The following STRBP variants were observed in gnomAD, a reference collection of about 807,000 sequenced individuals.
The protein encoded by STRBP is spermatid perinuclear RNA binding protein.
A neutral mutation model predicts 80.1 loss-of-function variants in STRBP; 13 were observed. The ratio of observed to expected loss-of-function variants is 0.16; its 90% CI spans 0.11 to 0.26. The LOEUF is 0.26. Ranked by LOEUF, STRBP falls within the 10% of genes least tolerant of loss-of-function variation. STRBP has a pLI of 1.00. For missense variants in STRBP, 485 were observed against 815.2 expected (o/e 0.59, Z 4.93); for synonymous variants, 284 against 291.2 (o/e 0.98, Z 0.25).
In STRBP at chr9:123,123,468, T is replaced by G; in HGVS notation, c.*2129A>C. ...TTATTTTAAGTAAAGCAGAGAAATGTAAAAGTTTGCAGCAACTGGGCAGGT... is the reference window on the plus strand; with the variant it reads ...TTATTTTAAGTAAAGCAGAGAAATGGAAAAGTTTGCAGCAACTGGGCAGGT... On this transcript the variant is annotated 3_prime_UTR_variant, in exon 19 of 19. Coordinates refer to ENST00000348403, the MANE Select transcript of STRBP (RefSeq NM_018387.5). 1.0e-6 allele frequency: 1 copy of G among 984,470 alleles called. No homozygotes were observed. Among genetic ancestry groups the G allele is most frequent in the Non-Finnish European group, 1.2e-6 (1 of 829,828 alleles). The allele number at this position is 984,470 out of a possible 1,614,324, so 61.0% of individuals were successfully genotyped here.
intron 1 of STRBP, among the ~76,000 whole-genome samples, chr9:123,267,285 A>G (rs554424627): frequency 4.0e-5 from 6 of 151,208 alleles, no homozygotes; most frequent in Non-Finnish European, 8.8e-5. Context: ...TACTTCCTGC[A>G]TAAACACCCT....
In STRBP at chr9:123,246,847, T is replaced by C. The variant is rs118170047; in HGVS notation, c.-301-9881A>G. Among the ~76,000 whole-genome samples, 122 of 152,290 alleles carry C rather than the reference T, an allele frequency of 8.0e-4. No individual in the cohort carries two copies. In the East Asian group the frequency reaches 0.019, roughly 23 times the overall value. ...ACTGTTTCAAAAGTGACTATAACCA[T>C]CTTATTCAATCAAGTAGTAATGTTA... On this transcript the variant is annotated intron_variant, in intron 1 of 18. Coordinates refer to ENST00000348403, the MANE Select transcript of STRBP (RefSeq NM_018387.5).
intron 2 of STRBP, among the ~76,000 whole-genome samples, chr9:123,231,959 GTTC>G (rs1401100232): frequency 2.6e-5 from 4 of 152,088 alleles, no homozygotes; most frequent in Non-Finnish European, 5.9e-5. Context: ...TTCTCCTACT[GTTC>G]TTCTATAAGG....
chr9:123,198,276 C>T (rs1371555734), intron 2 of STRBP, among the ~76,000 whole-genome samples: 20 of 152,002 alleles, frequency 1.3e-4, no homozygotes, highest in Admixed American at 1.3e-3. Flanking sequence ...AAGTAGCTAA[C>T]TGGCACCCGC....
At chr9:123,169,863 C>A (rs1352470082) in intron 6 of STRBP, 39 bp downstream of exon 6, 1 of 1,126,426 alleles carries the variant, frequency 8.9e-7, no homozygotes, top group South Asian at 3.5e-5. Flanking sequence ...ACAACAACAA[C>A]AAATATATAC....
intron 1 of STRBP, among the ~76,000 whole-genome samples, chr9:123,245,214 A>G (rs1228139370): frequency 6.6e-6 from 1 of 152,240 alleles, no homozygotes. Context: ...TATTCTCTAA[A>G]ACCAAATTTT....
chr9:123,234,592 G>A (rs1467345268), intron 2 of STRBP, among the ~76,000 whole-genome samples: 1 of 152,174 alleles, frequency 6.6e-6, no homozygotes, highest in Non-Finnish European at 1.5e-5. Flanking sequence ...CTAGTTGGTA[G>A]TCTTAAATCC....
chr9:123,182,217 T>TA lies in STRBP; in HGVS notation c.3+1914dup, dbSNP rs10546358. Among the ~76,000 whole-genome samples, 686 of 69,686 alleles carry TA rather than the reference T, an allele frequency of 9.8e-3. 14 individuals carry two copies. The highest frequency in any genetic ancestry group is 0.017 in the Non-Finnish European group (471 of 28,036). The allele number at this position is 69,686 out of a possible 152,430, so 45.7% of individuals were successfully genotyped here. ...GCAACAGAGTGAGACTCCGTTTCTT[T>TA]AAAAAAAAAAAAAAAAAAAAAAAAA... On this transcript the variant is annotated intron_variant, in intron 3 of 18. Transcript: ENST00000348403.
At chr9:123,141,483 A>T (rs2036589309) in intron 13 of STRBP, among the ~76,000 whole-genome samples, 1 of 152,192 alleles carries the variant, frequency 6.6e-6, no homozygotes, top group African/African-American at 2.4e-5. Context: ...AGTCCTGTAA[A>T]TATGCTCTCC....
intron 2 of STRBP, among the ~76,000 whole-genome samples, chr9:123,235,043 C>T (rs1372112513): frequency 6.6e-6 from 1 of 150,488 alleles, no homozygotes; most frequent in East Asian, 1.9e-4. Context: ...CAAGTGAACA[C>T]CGGAAACACA....
Position 123,115,274 on chromosome 9 carries a change from T to G in STRBP, c.*84+655A>C. 2.1e-6 allele frequency: 1 copy of G among 471,164 alleles called. No homozygotes were observed. 29.2% of individuals were successfully genotyped at this position (471,164 alleles called of 1,614,324 possible). A position where few individuals can be genotyped will look rare whatever the true frequency, so the allele number is the denominator to read the frequency against. The stretch of plus-strand genomic sequence containing the variant: ...ATCCCGTCTGGCTCAGTGGGAAGCC[T>G]ATCGCTCTTGGTAAATTACTCAGTA... On this transcript the variant is annotated intron_variant and NMD_transcript_variant, in intron 3 of 3. Coordinates refer to the STRBP transcript ENST00000471564. This position sits in a 1 kb window ranked among gnomAD's most constrained non-coding sequence, Gnocchi z 5.0.
intron 3 of STRBP, among the ~76,000 whole-genome samples, 191 bp from the exon 4 acceptor site, chr9:123,179,418 CAA>C (rs2038360213): frequency 6.6e-6 from 1 of 152,140 alleles, no homozygotes; most frequent in Non-Finnish European, 1.5e-5. Flanking sequence ...CACCAGAAAA[CAA>C]GAGCTCTTCC....
chr9:123,267,840 C>T (rs1185294013), intron 1 of STRBP, among the ~76,000 whole-genome samples: 1 of 147,630 alleles, frequency 6.8e-6, no homozygotes, highest in Admixed American at 6.8e-5. Context: ...CCCCAAAAGC[C>T]CCCTCATTCC....
chr9:123,235,291 A>G (rs981664212), intron 2 of STRBP, among the ~76,000 whole-genome samples: 1 of 151,242 alleles, frequency 6.6e-6, no homozygotes, highest in African/African-American at 2.4e-5. Context: ...TTTTTAATTT[A>G]GGTTTTTTTT....
intron 2 of STRBP, among the ~76,000 whole-genome samples, chr9:123,207,228 C>T (rs1325838520): frequency 1.3e-5 from 2 of 152,196 alleles, no homozygotes; most frequent in Admixed American, 1.3e-4. Context: ...ATAAGACAGA[C>T]AACACCAACA....
At chr9:123,190,467 T>TAAA (rs5900567) in intron 2 of STRBP, among the ~76,000 whole-genome samples, 29 of 148,294 alleles carry the variant, frequency 2.0e-4, no homozygotes, top group Admixed American at 1.3e-4. Flanking sequence ...CTTTTTCATG[T>TAAA]AAAAAAAAAA....
At chr9:123,181,657 A>G (rs1822801989) in intron 3 of STRBP, among the ~76,000 whole-genome samples, 4 of 152,054 alleles carry the variant, frequency 2.6e-5, no homozygotes, top group Non-Finnish European at 4.4e-5. Flanking sequence ...TTAGCCAGGC[A>G]TGGTGGTTGG....
chr9:123,229,312 T>C (rs2132574945), intron 2 of STRBP, among the ~76,000 whole-genome samples: 1 of 152,290 alleles, frequency 6.6e-6, no homozygotes, highest in Admixed American at 6.5e-5. Flanking sequence ...AATTGTACAT[T>C]TTAAATAGCG....
intron 13 of STRBP, among the ~76,000 whole-genome samples, chr9:123,142,328 A>G (rs2036623470): frequency 6.6e-6 from 1 of 152,168 alleles, no homozygotes; most frequent in Non-Finnish European, 1.5e-5. Flanking sequence ...CTCGGACCAC[A>G]TAAGATGTGC....
Sources: allele counts gnomAD v4.1 joint callset (sites outside exome capture counted in the v4.1 genomes callset), GRCh38; gene constraint gnomAD v4.1.1; non-coding constraint Gnocchi (gnomAD v3.1); transcripts MANE v1.5; gene names NCBI Gene and HGNC (gene_info 2026-07-23, HGNC 2026-07-21).